Variants in CARNMT1 observed in about 807,000 individuals in gnomAD.
The protein encoded by CARNMT1 is protein-L-histidine N-pros-methyltransferase CARNMT1.
CARNMT1 carries 28 observed loss-of-function variants against 49.6 expected under a neutral mutation model. The ratio of observed to expected loss-of-function variants is 0.56; its 90% CI spans 0.42 to 0.77. The LOEUF is 0.77. Ranked by LOEUF, CARNMT1 falls within the 30% of genes least tolerant of loss-of-function variation. CARNMT1 has a pLI of 0.00. For missense variants in CARNMT1, 421 were observed against 512.6 expected, an observed-to-expected ratio of 0.82 and a Z score of 1.73; for synonymous variants, 178 against 175.0, an observed-to-expected ratio of 1.02 and a Z score of -0.13.
At position 75,014,099 on chromosome 9, in the gene CARNMT1, G is replaced by A. The variant is rs564673605; in HGVS notation, c.590+2169C>T. 2.0e-5 allele frequency among the ~76,000 whole-genome samples: 3 copies of A among 151,292 alleles called. No individual in the cohort carries two copies. In the South Asian group the frequency reaches 6.3e-4, roughly 32 times the overall value. ...CCAATGATACTGATTATCCAAATGG[G>A]GTATAGAATAAAGGGAGGGAATAAA... is the stretch of plus-strand genomic sequence containing the variant. On this transcript the variant is annotated intron_variant, in intron 3 of 7. Coordinates refer to ENST00000376834, the MANE Select transcript of CARNMT1 (RefSeq NM_152420.3).
At chr9:75,020,460 G>A (rs962550869) in intron 1 of CARNMT1, among the ~76,000 whole-genome samples, 3 of 151,790 alleles carry the variant, frequency 2.0e-5, no homozygotes, top group East Asian at 1.9e-4. Context: ...TAGAGACGGG[G>A]TTTCACCATA....
chr9:75,009,731 A>G (rs1417703824), intron 3 of CARNMT1: 4 of 151,958 alleles, frequency 2.6e-5, no homozygotes, highest in Admixed American at 6.6e-5. Flanking sequence ...AGGAGAAATG[A>G]TTTTTTTCTG....
In CARNMT1 at chr9:75,028,186, C is replaced by A. The variant is rs867837692; in HGVS notation, c.56G>T (p.Gly19Val). ...CTCCTCGCTGCCACCGCCTCCTCCC[C>A]CGCAGCCCTCGGGCAGCCGGGAGGT... ...PPTSRLPEGC[G>V]GGGGGSEEVE... The change falls in exon 1 of 8, where the codon GGG becomes GTG. Residue 19 changes from glycine to valine, a missense_variant. This residue lies in a region of CARNMT1 where 186 missense variants were observed against 167.9 expected (regional missense o/e 1.11). Transcript: ENST00000376834. 6.6e-7 allele frequency: 1 copy of A among 1,507,496 alleles called. No individual in the cohort carries two copies. The highest frequency in any genetic ancestry group is 2.9e-5 in the East Asian group (1 of 34,904). The allele number at this position is 1,507,496 out of a possible 1,614,324, so 93.4% of individuals were successfully genotyped here.
At chr9:75,026,997 T>C (rs950764504) in intron 1 of CARNMT1, 1 of 939,614 alleles carries the variant, frequency 1.1e-6, no homozygotes, top group Non-Finnish European at 1.5e-6. Flanking sequence ...AGATGAACAA[T>C]ATAAAAAAAC....
chr9:75,015,561 G>C (rs1415183454), intron 3 of CARNMT1, among the ~76,000 whole-genome samples: 1 of 151,916 alleles, frequency 6.6e-6, no homozygotes, highest in East Asian at 1.9e-4. Flanking sequence ...AGACACAGGC[G>C]GATCACTTGA....
rs1832677153 is a variant in CARNMT1 at position 74,980,946 on chromosome 9, G to GTA, written c.*2819_*2820dup. ...AATAGGCTAATCCAAGAGTTCAAAA[G>GTA]TATATATGCTCAACTCATTAAAATC... On this transcript the variant is annotated 3_prime_UTR_variant, in exon 8 of 8. Coordinates refer to ENST00000376834, the MANE Select transcript of CARNMT1 (RefSeq NM_152420.3). The GTA allele has an allele frequency of 1.3e-5, 2 of 152,066 alleles. No individual in the cohort carries two copies. The highest frequency in any genetic ancestry group is 4.8e-5 in the African/African-American group (2 of 41,414). 9.4% of individuals were successfully genotyped at this position (152,066 alleles called of 1,614,324 possible).
intron 1 of CARNMT1, among the ~76,000 whole-genome samples, chr9:75,019,503 C>A (rs550577018): frequency 6.6e-6 from 1 of 152,270 alleles, no homozygotes; most frequent in South Asian, 2.1e-4. Context: ...TAACTGAGAG[C>A]CTGATAACAT....
At chr9:75,005,519 C>T (rs2118817225) in intron 3 of CARNMT1, among the ~76,000 whole-genome samples, 1 of 147,664 alleles carries the variant, frequency 6.8e-6, no homozygotes, top group South Asian at 2.1e-4. Flanking sequence ...GTCACCCAGG[C>T]TGGAGTGCAG....
chr9:75,024,452 T>C (rs934042190), intron 1 of CARNMT1, among the ~76,000 whole-genome samples: 1 of 152,204 alleles, frequency 6.6e-6, no homozygotes, highest in African/African-American at 2.4e-5. Flanking sequence ...CCCCGTTATT[T>C]CTAAAAGTAA....
Position 75,028,081 on chromosome 9 carries a change from G to C in CARNMT1, c.161C>G (p.Thr54Ser), listed in dbSNP as rs569200716. The change falls in exon 1 of 8, where the codon ACC (threonine) becomes AGC (serine). Residue 54 changes from threonine to serine, a missense_variant. By Grantham distance (58) the Thr-to-Ser change is moderately conservative. Coordinates refer to ENST00000376834, the MANE Select transcript of CARNMT1 (RefSeq NM_152420.3). ...CTCAAGCCTCTCCTCCTCCTCCTCGGTGCTGCGCGTGGCCGCCGCCGCTGC... is the reference window on the plus strand; with the variant it reads ...CTCAAGCCTCTCCTCCTCCTCCTCGCTGCTGCGCGTGGCCGCCGCCGCTGC... Reference protein sequence around the residue: ...SAAAAAATRSTEEEEERLERE... With the variant: ...SAAAAAATRSSEEEEERLERE... 1.9e-6 allele frequency: 3 copies of C among 1,566,132 alleles called. No homozygotes were observed. The highest frequency in any genetic ancestry group is 2.5e-5 in the East Asian group (1 of 39,870).
At chr9:75,004,950 T>A (rs1232831030) in intron 3 of CARNMT1, among the ~76,000 whole-genome samples, 1 of 152,240 alleles carries the variant, frequency 6.6e-6, no homozygotes, top group African/African-American at 2.4e-5. Context: ...TTTTACATGT[T>A]AGCCTTCCTT....
chr9:75,027,123 T>A (rs778091761), intron 1 of CARNMT1: 2 of 1,304,132 alleles, frequency 1.5e-6, no homozygotes, highest in South Asian at 2.5e-5. Flanking sequence ...GACTCATATC[T>A]CTTACGTGAA....
At chr9:74,997,284 C>G (rs1294733043) in intron 5 of CARNMT1, among the ~76,000 whole-genome samples, 1 of 152,188 alleles carries the variant, frequency 6.6e-6, no homozygotes, top group South Asian at 2.1e-4. Context: ...TCTTCCATCT[C>G]TCCCTTTCTT....
intron 3 of CARNMT1, chr9:75,015,787 A>AAAAAAAAT (rs1294614938): frequency 6.7e-6 from 1 of 149,140 alleles, no homozygotes; most frequent in East Asian, 1.9e-4. Flanking sequence ...CTGTCTCAAA[A>AAAAAAAAT]AAATAAATAA....
rs552054714 is a variant in CARNMT1 at position 74,992,768 on chromosome 9, C to T, written c.1024+3679G>A. ...ATCTGATTTCATGCAGTTTGGGCAACATTTTCATATATAATTTTACCTCCA... is the reference window on the plus strand; with the variant it reads ...ATCTGATTTCATGCAGTTTGGGCAATATTTTCATATATAATTTTACCTCCA... On this transcript the variant is annotated intron_variant, in intron 6 of 7. Transcript: ENST00000376834. Among the ~76,000 whole-genome samples, 4 of 152,276 alleles carry T rather than the reference C, an allele frequency of 2.6e-5. 1 individual carries two copies. The South Asian group carries it at 8.3e-4, about 32-fold the overall frequency.
At chr9:75,020,147 T>G (rs542443345) in intron 1 of CARNMT1, among the ~76,000 whole-genome samples, 2 of 152,338 alleles carry the variant, frequency 1.3e-5, no homozygotes, top group South Asian at 4.1e-4. Context: ...AAGTGTTCAC[T>G]GTAATATTCC....
At chr9:75,028,344 C>T (rs1362427802), upstream of CARNMT1, 4 of 1,305,896 alleles carry the variant, frequency 3.1e-6, no homozygotes, top group African/African-American at 3.1e-5. Flanking sequence ...CGCGGACATG[C>T]CCCCAGCTCG....
intron 3 of CARNMT1, among the ~76,000 whole-genome samples, chr9:75,011,144 C>G (rs567911631): frequency 8.5e-5 from 13 of 152,098 alleles, no homozygotes; most frequent in African/African-American, 3.1e-4. Context: ...GGCAAAAGGT[C>G]AAAGGCTTAA....
At position 75,016,372 on chromosome 9, in the gene CARNMT1, C is replaced by T. The variant is rs1587299126; in HGVS notation, c.486G>A (p.Leu162=). 1 of 1,614,100 alleles carries T rather than the reference C, an allele frequency of 6.2e-7. No individual in the cohort carries two copies. The highest frequency in any genetic ancestry group is 1.1e-5 in the South Asian group (1 of 91,076). ...CACTCCAGTCTCTCACAAACTGTTTCAGCGTGGATTTTAACTTATCCATGT... is the reference window on the plus strand; with the variant it reads ...CACTCCAGTCTCTCACAAACTGTTTTAGCGTGGATTTTAACTTATCCATGT... ...TFDMDKLKST[L]KQFVRDWSET... The change falls in exon 3 of 8, where the codon CTG becomes CTA. Residue 162 remains leucine (L), a synonymous_variant. Transcript: ENST00000376834.
Sources: allele counts gnomAD v4.1 joint callset (sites outside exome capture counted in the v4.1 genomes callset), GRCh38; gene constraint gnomAD v4.1.1; regional missense constraint gnomAD v4.1.1; transcripts MANE v1.5; gene names NCBI Gene and HGNC (gene_info 2026-07-23, HGNC 2026-07-21).